The following SIDT2 variants were observed in gnomAD, a reference collection of about 807,000 sequenced individuals.
The protein encoded by SIDT2 is SID1 transmembrane family, member 2.
Under a neutral mutation model 114.4 loss-of-function variants are expected in SIDT2, and 68 were observed. That is an observed-to-expected ratio of 0.59 (90% CI 0.49 to 0.73). The LOEUF is 0.73. Ranked by LOEUF, SIDT2 falls within the 30% of genes least tolerant of loss-of-function variation. The probability of loss-of-function intolerance (pLI) is 0.00; values close to 1 mark genes in which losing one functional copy is unlikely to be tolerated. For missense variants in SIDT2, 918 were observed against 1,097.1 expected (o/e 0.84, Z 2.31); for synonymous variants, 470 against 438.4 (o/e 1.07, Z -0.90).
chr11:117,196,093 C>G lies in SIDT2; in HGVS notation c.*27C>G. 1 of 1,613,994 alleles carries G rather than the reference C, an allele frequency of 6.2e-7. No individual in the cohort carries two copies. Among genetic ancestry groups the G allele is most frequent in the Non-Finnish European group, 8.5e-7 (1 of 1,179,992 alleles). ...AGGAGCTGGGCCCTTCGCTTCACCT[C>G]AAGGGGCCCTGAGCTCCTTTGTGTC... On this transcript the variant is annotated 3_prime_UTR_variant, in exon 26 of 26. Transcript: ENST00000324225. The surrounding 1 kb of genome is among the most constrained non-coding windows in gnomAD (Gnocchi z 4.9).
In SIDT2 at chr11:117,192,395, G is replaced by C. The variant is rs933480133; in HGVS notation, c.1981+33G>C. 6.9e-7 allele frequency: 1 copy of C among 1,456,970 alleles called. No individual in the cohort carries two copies. 90.3% of individuals were successfully genotyped at this position (1,456,970 alleles called of 1,614,324 possible). A position where few individuals can be genotyped will look rare whatever the true frequency, so the allele number is the denominator to read the frequency against. ...CACGCCCGGGGCAGGGCCTGGGGGA[G>C]GGGTCTGGGGGGCCTTGGGAACCCG... On this transcript the variant is annotated intron_variant, in intron 20 of 25. Coordinates refer to ENST00000324225, the MANE Select transcript of SIDT2 (RefSeq NM_001040455.2). The surrounding 1 kb of genome is among the most constrained non-coding windows in gnomAD (Gnocchi z 5.9).
chr11:117,182,099 GC>G lies in SIDT2; in HGVS notation c.514del (p.Gln172SerfsTer14). 1 of 1,613,974 alleles carries G rather than the reference GC, an allele frequency of 6.2e-7. No homozygotes were observed. The highest frequency in any genetic ancestry group is 8.5e-7 in the Non-Finnish European group (1 of 1,180,022). On this transcript the variant is annotated frameshift_variant, in exon 4 of 26. Transcript: ENST00000324225. LOFTEE classifies it high-confidence loss of function. Reference protein sequence around the residue: ...QFSFNTTAAQPQYFKYEFPEG... With the variant: ...QFSFNTTAAQXQYFKYEFPEG... ...TCAGCTTCAATACCACAGCAGCACA[GC>G]CCCAGGTAACATCTCCCTGTTGATT...
intron 12 of SIDT2, chr11:117,187,902 G>T: frequency 1.4e-6 from 1 of 697,890 alleles, no homozygotes; most frequent in Non-Finnish European, 2.6e-6. Flanking sequence ...GGCACGACCA[G>T]TTCAAGCGGC....
Position 117,186,653 on chromosome 11 carries a change from TG to T in SIDT2, c.1015+20del. On this transcript the variant is annotated intron_variant, in intron 10 of 25. Coordinates refer to ENST00000324225, the MANE Select transcript of SIDT2 (RefSeq NM_001040455.2). ...CAGAAAGCGGTACCTCCAGGGGGCC[TG>T]GGTGGGGCGGGCACAGTGTGCTTTG... 1.4e-6 allele frequency: 2 copies of T among 1,451,944 alleles called. No homozygotes were observed. The highest frequency in any genetic ancestry group is 1.3e-5 in the South Asian group (1 of 76,740). The allele number at this position is 1,451,944 out of a possible 1,614,324, so 89.9% of individuals were successfully genotyped here. A position where few individuals can be genotyped will look rare whatever the true frequency, so the allele number is the denominator to read the frequency against.
At position 117,190,413 on chromosome 11, in the gene SIDT2, G is replaced by A. The variant is rs2030655736; in HGVS notation, c.1617+124G>A. 2.1e-6 allele frequency: 3 copies of A among 1,439,750 alleles called. No homozygotes were observed. The highest frequency in any genetic ancestry group is 2.8e-6 in the Non-Finnish European group (3 of 1,088,322). The allele number at this position is 1,439,750 out of a possible 1,614,324, so 89.2% of individuals were successfully genotyped here. On this transcript the variant is annotated intron_variant, in intron 17 of 25. Transcript: ENST00000324225. This position sits in a 1 kb window ranked among gnomAD's most constrained non-coding sequence, Gnocchi z 4.1. ...CCCCAGCTCTCCCCTCCCCAGTTCT[G>A]TCTGGCCCACCCTATCCAGCCCAGC...
intron 23 of SIDT2, 51 bp from the exon 24 acceptor site, chr11:117,193,802 G>C: frequency 7.3e-7 from 1 of 1,378,940 alleles, no homozygotes; most frequent in Non-Finnish European, 1.0e-6. Flanking sequence ...GGACAGCGGG[G>C]TGGGACAGGG....
At chr11:117,194,553 C>G (rs1462956632) in intron 24 of SIDT2, among the ~76,000 whole-genome samples, 2 of 152,230 alleles carry the variant, frequency 1.3e-5, no homozygotes, top group Non-Finnish European at 1.5e-5. Context: ...TACCACATGT[C>G]AGGCTTTAAT....
At chr11:117,191,751 C>T (rs2030708557) in intron 18 of SIDT2, 127 bp from the exon 19 acceptor site, 4 of 1,343,990 alleles carry the variant, frequency 3.0e-6, no homozygotes, top group Non-Finnish European at 4.1e-6. Context: ...CACCCTGCCA[C>T]CAGCTCACAC....
At chr11:117,189,763 AGAG>A (rs1382782335) in intron 15 of SIDT2, 186 bp from the exon 16 acceptor site, 1 of 623,996 alleles carries the variant, frequency 1.6e-6, no homozygotes, top group African/African-American at 1.8e-5. Context: ...ACGCCTAATG[AGAG>A]GGGACAGCGA....
rs767690048 is a variant in SIDT2, at chr11:117,190,324, G to A, written c.1617+35G>A. On this transcript the variant is annotated intron_variant, in intron 17 of 25. Coordinates refer to ENST00000324225, the MANE Select transcript of SIDT2 (RefSeq NM_001040455.2). This position sits in a 1 kb window ranked among gnomAD's most constrained non-coding sequence, Gnocchi z 4.1. ...CACCTGCCTGCCTGCCGCAGCCTCA[G>A]CTCCAGCACAGACCTCAAGCCTTGG... 1.3e-6 allele frequency: 2 copies of A among 1,524,032 alleles called. No individual in the cohort carries two copies. Among genetic ancestry groups the A allele is most frequent in the Non-Finnish European group, 8.8e-7 (1 of 1,137,774 alleles). The allele number at this position is 1,524,032 out of a possible 1,614,324, so 94.4% of individuals were successfully genotyped here.
intron 18 of SIDT2, 56 bp from the exon 19 acceptor site, chr11:117,191,822 C>A: frequency 6.3e-7 from 1 of 1,593,926 alleles, no homozygotes; most frequent in Non-Finnish European, 8.6e-7. Context: ...GCCAGGAGTT[C>A]TCTGCTGGGG....
rs147317118 is a variant in SIDT2 at position 117,179,281 on chromosome 11, G to A, written c.18G>A (p.Leu6=). The A allele has an allele frequency of 3.1e-6, 5 of 1,613,404 alleles. No individual in the cohort carries two copies. The African/African-American group carries it at 5.3e-5, about 17-fold the overall frequency. The part of the protein sequence containing the change: MFALG[L]PFLVLLVASV... Reference sequence around the variant, plus strand: ...CCGGGGCCATGTTCGCTCTGGGCTTGCCCTTCTTGGTGCTCTTGGTGGCCT... The same window carrying A: ...CCGGGGCCATGTTCGCTCTGGGCTTACCCTTCTTGGTGCTCTTGGTGGCCT... The change falls in exon 1 of 26, where the codon TTG becomes TTA. Residue 6 remains leucine (L), a synonymous_variant. Transcript: ENST00000324225.
chr11:117,194,954 G>A (rs974954454), intron 24 of SIDT2, among the ~76,000 whole-genome samples: 4 of 151,866 alleles, frequency 2.6e-5, no homozygotes, highest in Non-Finnish European at 5.9e-5. Context: ...GGGCGTGATG[G>A]TGGGCGCCTG....
At chr11:117,184,658 G>T (rs1307996416) in intron 8 of SIDT2, among the ~76,000 whole-genome samples, 1 of 152,154 alleles carries the variant, frequency 6.6e-6, no homozygotes, top group Non-Finnish European at 1.5e-5. Flanking sequence ...CCTACTCAGT[G>T]CTCAATAAAT....
At chr11:117,191,544 A>G (rs2030701406) in intron 18 of SIDT2, 1 of 272,712 alleles carries the variant, frequency 3.7e-6, no homozygotes, top group Admixed American at 5.0e-5. Flanking sequence ...AGATCCCACC[A>G]TTGCACGCCA....
At chr11:117,184,727 CCT>C (rs377658437) in intron 8 of SIDT2, among the ~76,000 whole-genome samples, 15 of 152,080 alleles carry the variant, frequency 9.9e-5, no homozygotes, top group African/African-American at 3.6e-4. Context: ...AAAGAAGGTG[CCT>C]CTCTTTCTTT....
rs375393077 is a variant in SIDT2 at position 117,186,581 on chromosome 11, C to T, written c.963-3C>T. On this transcript the variant is annotated splice_region_variant and splice_polypyrimidine_tract_variant and intron_variant, in intron 9 of 25. Transcript: ENST00000324225. ...GGGTGGCCTGTGGGTTCTGTCCATGCAGGCAGAAGAAGAAGACCCTGCTGG... is the reference window on the plus strand; with the variant it reads ...GGGTGGCCTGTGGGTTCTGTCCATGTAGGCAGAAGAAGAAGACCCTGCTGG... The T allele has an allele frequency of 2.6e-6, 4 of 1,559,206 alleles. No homozygotes were observed. The highest frequency in any genetic ancestry group is 1.4e-5 in the African/African-American group (1 of 72,800).
At chr11:117,185,364 A>G (rs7107152) in intron 8 of SIDT2, among the ~76,000 whole-genome samples, 95,975 of 151,948 alleles carry the variant, frequency 0.63, 32,131 homozygotes, top group Non-Finnish European at 0.76. Context: ...CCTCTCTTAC[A>G]TGGATTATTT....
rs752470698 is a variant in SIDT2 at position 117,182,047 on chromosome 11, C to A, written c.471-13C>A. 47 of 1,614,020 alleles carry A rather than the reference C, an allele frequency of 2.9e-5. No homozygotes were observed. The South Asian group carries it at 4.7e-4, about 16-fold the overall frequency. On this transcript the variant is annotated splice_polypyrimidine_tract_variant and intron_variant, in intron 3 of 25. Coordinates refer to ENST00000324225, the MANE Select transcript of SIDT2 (RefSeq NM_001040455.2). ...CCGGGGGTGACTGGTGGGGGCTCTT[C>A]TCTGCCCTGCAGGACTGGGGAGCAG... is the stretch of plus-strand genomic sequence containing the variant.
Sources: allele counts gnomAD v4.1 joint callset (sites outside exome capture counted in the v4.1 genomes callset), GRCh38; gene constraint gnomAD v4.1.1; non-coding constraint Gnocchi (gnomAD v3.1); transcripts MANE v1.5; gene names NCBI Gene and HGNC (gene_info 2026-07-23, HGNC 2026-07-21).